MUC5B: variants seen among roughly 807,000 people sequenced by gnomAD.
The protein encoded by MUC5B is mucin 5B, oligomeric mucus/gel-forming.
Under a neutral mutation model 376.9 loss-of-function variants are expected in MUC5B, and 116 were observed. That is an observed-to-expected ratio of 0.31 (90% CI 0.26 to 0.36). The LOEUF is 0.36. Among genes scored for constraint, MUC5B ranks in the 10% least tolerant of loss-of-function variants. The probability of loss-of-function intolerance (pLI) is 1.00; values close to 1 mark genes in which losing one functional copy is unlikely to be tolerated. For synonymous variants in MUC5B, 3,517 were observed against 3,390.9 expected, an observed-to-expected ratio of 1.04 and a Z score of -1.29; for missense variants, 7,165 against 7,769.9, an observed-to-expected ratio of 0.92 and a Z score of 2.93.
In MUC5B at chr11:1,243,468, C is replaced by G; in HGVS notation, c.6588C>G (p.Thr2196=). The G allele has an allele frequency of 6.6e-7, 1 of 1,511,970 alleles. No individual in the cohort carries two copies. Among genetic ancestry groups the G allele is most frequent in the South Asian group, 1.1e-5 (1 of 87,792 alleles). The allele number at this position is 1,511,970 out of a possible 1,614,324, so 93.7% of individuals were successfully genotyped here. ...HTPPVPNTMA[T]THGRSLPPSS... ...CCCCAGTGCCGAACACCATGGCCACCACACACGGGCGATCCCTGCCCCCCA... is the reference window on the plus strand; with the variant it reads ...CCCCAGTGCCGAACACCATGGCCACGACACACGGGCGATCCCTGCCCCCCA... The change falls in exon 31 of 49, where the codon ACC becomes ACG. Residue 2196 remains threonine, a synonymous_variant. Coordinates refer to ENST00000529681, the MANE Select transcript of MUC5B (RefSeq NM_002458.3).
Position 1,229,633 on chromosome 11 carries a change from T to C in MUC5B, c.1103-57T>C, listed in dbSNP as rs953159644. On this transcript the variant is annotated intron_variant, in intron 9 of 48. Transcript: ENST00000529681. ...CAGCTTGTCCCCAAGGCCGGTGTCT[T>C]CTGACCTTGGTGTCCCCCGTGCATG... is the stretch of plus-strand genomic sequence containing the variant. 11 of 1,434,926 alleles carry C rather than the reference T, an allele frequency of 7.7e-6. No individual in the cohort carries two copies. In the African/African-American group the frequency reaches 1.5e-4, roughly 20 times the overall value. 88.9% of individuals were successfully genotyped at this position (1,434,926 alleles called of 1,614,324 possible).
rs774350374 is a variant in MUC5B, at chr11:1,230,922, G to A, written c.1471-14G>A. 25 of 1,578,386 alleles carry A rather than the reference G, an allele frequency of 1.6e-5. No homozygotes were observed. Among genetic ancestry groups the A allele is most frequent in the African/African-American group, 4.1e-5 (3 of 74,006 alleles). ...CCTCCCCAGAGCTGACCTCCCGCCC[G>A]CCTCCTTCCGCAGGCCATCCGGGTC... On this transcript the variant is annotated splice_polypyrimidine_tract_variant and intron_variant, in intron 12 of 48. Coordinates refer to ENST00000529681, the MANE Select transcript of MUC5B (RefSeq NM_002458.3).
At position 1,258,006 on chromosome 11, in the gene MUC5B, T is replaced by C; in HGVS notation, c.16451-93T>C. 1.5e-6 allele frequency: 2 copies of C among 1,307,280 alleles called. No homozygotes were observed. 81.0% of individuals were successfully genotyped at this position (1,307,280 alleles called of 1,614,324 possible). ...CAGGGGCTGTGAAGCGGTCAGGTCCTCGGGGAAAAGCACGCCTGCGACTTA... is the reference window on the plus strand; with the variant it reads ...CAGGGGCTGTGAAGCGGTCAGGTCCCCGGGGAAAAGCACGCCTGCGACTTA... On this transcript the variant is annotated intron_variant, in intron 41 of 48. Transcript: ENST00000529681. This position sits in a 1 kb window ranked among gnomAD's most constrained non-coding sequence, Gnocchi z 5.5.
chr11:1,233,104 C>T lies in MUC5B; in HGVS notation c.2157C>T (p.Asp719=), dbSNP rs777101845. The T allele has an allele frequency of 3.5e-5, 56 of 1,607,928 alleles. No individual in the cohort carries two copies. The highest frequency in any genetic ancestry group is 4.4e-5 in the South Asian group (4 of 90,964). The part of the protein sequence containing the change: ...QPTCRGLSEA[D]VTCSVSFVPV... ...CTTGCCGCGGCCTGAGTGAGGCCGA[C>T]GTCACCTGCAGCGTTTCCTTCGTGC... Residue 719 remains aspartate (D), a synonymous_variant, in exon 18 of 49, where the codon GAC becomes GAT. Coordinates refer to ENST00000529681, the MANE Select transcript of MUC5B (RefSeq NM_002458.3).
Position 1,251,515 on chromosome 11 carries a change from G to A in MUC5B, c.14635G>A (p.Val4879Met), listed in dbSNP as rs967643338. 2 of 1,613,134 alleles carry A rather than the reference G, an allele frequency of 1.2e-6. No individual in the cohort carries two copies. Among genetic ancestry groups the A allele is most frequent in the African/African-American group, 2.7e-5 (2 of 74,920 alleles). ...TCTGGGAACAGCTCACACCCCCAAAGTGGTGACCACCATGGCCACTATGCC... is the reference window on the plus strand; with the variant it reads ...TCTGGGAACAGCTCACACCCCCAAAATGGTGACCACCATGGCCACTATGCC... ...STLGTAHTPKVVTTMATMPTA... is the reference protein window; with the variant it reads ...STLGTAHTPKMVTTMATMPTA... The change falls in exon 31 of 49, where the codon GTG (valine) becomes ATG (methionine). Residue 4879 changes from valine (V) to methionine (M), a missense_variant. Physicochemically the swap from Val to Met is conservative, Grantham distance 21. This residue lies in a region of MUC5B where 730 missense variants were observed against 592.7 expected (regional missense o/e 1.23). Coordinates refer to ENST00000529681, the MANE Select transcript of MUC5B (RefSeq NM_002458.3).
Position 1,234,587 on chromosome 11 carries a change from G to A in MUC5B, c.2537G>A (p.Ser846Asn). 3 of 1,576,624 alleles carry A rather than the reference G, an allele frequency of 1.9e-6. No individual in the cohort carries two copies. Among genetic ancestry groups the A allele is most frequent in the Non-Finnish European group, 2.6e-6 (3 of 1,162,110 alleles). ...CCCCCGGGGCTGGTGTCGGATGGGA[G>A]TGGGGGCTGCATTGCCGAGGAGGAC... ...VCPPGLVSDG[S>N]GGCIAEEDCP... is the part of the protein sequence containing the mutation. Residue 846 changes from serine (S) to asparagine (N), a missense_variant, in exon 21 of 49, where the codon AGT becomes AAT. Physicochemically the swap from Ser to Asn is conservative, Grantham distance 46. This residue lies in a region of MUC5B where 530 missense variants were observed against 604.0 expected (regional missense o/e 0.88). Transcript: ENST00000529681. This position sits in a 1 kb window ranked among gnomAD's most constrained non-coding sequence, Gnocchi z 6.3.
Position 1,250,436 on chromosome 11 carries a change from C to T in MUC5B, c.13556C>T (p.Ala4519Val), listed in dbSNP as rs1045781875. 14 of 1,608,966 alleles carry T rather than the reference C, an allele frequency of 8.7e-6. No individual in the cohort carries two copies. The highest frequency in any genetic ancestry group is 1.2e-5 in the Non-Finnish European group (14 of 1,176,068). Residue 4519 changes from alanine (A) to valine (V), a missense_variant, in exon 31 of 49, where the codon GCT (alanine) becomes GTT (valine). This residue lies in a region of MUC5B where 431 missense variants were observed against 390.4 expected (regional missense o/e 1.10). Transcript: ENST00000529681. ...AGAAGCACAGCCACCACACCCACAG[C>T]TACCAGCTTTACAGCCATCCCCTCC... ...ALRSTATTPT[A>V]TSFTAIPSSS...
Position 1,246,027 on chromosome 11 carries a change from C to G in MUC5B, c.9147C>G (p.Thr3049=). ...CCTCCTCCAGTCCAAGGACTGCAAC[C>G]ACCCTTCCAGTGCTGACAAGCACAG... The part of the protein sequence containing the change: ...ATSSSSPRTA[T]TLPVLTSTAT... The change falls in exon 31 of 49, where the codon ACC becomes ACG. Residue 3049 remains threonine (T), a synonymous_variant. Coordinates refer to ENST00000529681, the MANE Select transcript of MUC5B (RefSeq NM_002458.3). The G allele has an allele frequency of 2.5e-6, 4 of 1,613,042 alleles. No homozygotes were observed. The highest frequency in any genetic ancestry group is 1.7e-6 in the Non-Finnish European group (2 of 1,179,572).
chr11:1,243,306 C>T lies in MUC5B; in HGVS notation c.6426C>T (p.Ala2142=), dbSNP rs1862344389. 6.4e-7 allele frequency: 1 copy of T among 1,557,186 alleles called. No homozygotes were observed. Among genetic ancestry groups the T allele is most frequent in the African/African-American group, 1.4e-5 (1 of 72,798 alleles). ...CCACCACGGCCACTACGATCACGGC[C>T]ACCGGCTCCACCACCAACCCCTCCT... ...SLTTTATTIT[A]TGSTTNPSST... is the part of the protein sequence containing the mutation. The change falls in exon 31 of 49, where the codon GCC becomes GCT. Residue 2142 remains alanine, a synonymous_variant. Coordinates refer to ENST00000529681, the MANE Select transcript of MUC5B (RefSeq NM_002458.3).
Position 1,235,158 on chromosome 11 carries a change from C to A in MUC5B, c.2704C>A (p.His902Asn). The A allele has an allele frequency of 6.2e-7, 1 of 1,613,062 alleles. No individual in the cohort carries two copies. The highest frequency in any genetic ancestry group is 8.5e-7 in the Non-Finnish European group (1 of 1,179,718). ...CACCTGCGTGGCCTACGGGGATGGC[C>A]ACTTCATCACCTTTGATGGCGATCG... ...LGTCVAYGDGHFITFDGDRYS... is the reference protein window; with the variant it reads ...LGTCVAYGDGNFITFDGDRYS... The change falls in exon 22 of 49, where the codon CAC becomes AAC. Residue 902 changes from histidine to asparagine, a missense_variant. This residue lies in a region of MUC5B where 530 missense variants were observed against 604.0 expected (regional missense o/e 0.88). Coordinates refer to ENST00000529681, the MANE Select transcript of MUC5B (RefSeq NM_002458.3).
chr11:1,229,587 G>C, intron 9 of MUC5B, 103 bp from the exon 10 acceptor site: 5 of 1,067,858 alleles, frequency 4.7e-6, no homozygotes, highest in Non-Finnish European at 6.8e-6. Flanking sequence ...TCCTGGAGCA[G>C]GAATTCCTCC....
intron 10 of MUC5B, 44 bp from the exon 11 acceptor site, chr11:1,229,961 C>T (rs924862880): frequency 1.9e-6 from 3 of 1,562,454 alleles, no homozygotes; most frequent in Non-Finnish European, 2.6e-6. Flanking sequence ...GTGGGGCCCA[C>T]CTCCTCCCGA....
At position 1,253,083 on chromosome 11, in the gene MUC5B, C is replaced by T. The variant is rs942421046; in HGVS notation, c.15217+103C>T. 43 of 1,066,666 alleles carry T rather than the reference C, an allele frequency of 4.0e-5. No homozygotes were observed. Among genetic ancestry groups the T allele is most frequent in the Non-Finnish European group, 5.0e-5 (40 of 798,040 alleles). The allele number at this position is 1,066,666 out of a possible 1,614,324, so 66.1% of individuals were successfully genotyped here. The stretch of plus-strand genomic sequence containing the variant: ...GGGCATGGTGGGGCACAGTGGGGTG[C>T]AGTGGGGAATGGTGGGGCATGGTGG... On this transcript the variant is annotated intron_variant, in intron 33 of 48. Coordinates refer to ENST00000529681, the MANE Select transcript of MUC5B (RefSeq NM_002458.3). The surrounding 1 kb of genome is among the most constrained non-coding windows in gnomAD (Gnocchi z 4.3).
At chr11:1,224,474 G>T (rs1296601325) in intron 1 of MUC5B, among the ~76,000 whole-genome samples, 1 of 149,518 alleles carries the variant, frequency 6.7e-6, no homozygotes, top group Non-Finnish European at 1.5e-5. Context: ...GCCTGGGGGG[G>T]AGGGGTTGCC....
At position 1,226,277 on chromosome 11, in the gene MUC5B, G is replaced by C. The variant is rs780122976; in HGVS notation, c.199+1G>C. The C allele has an allele frequency of 6.4e-7, 1 of 1,553,762 alleles. No homozygotes were observed. The highest frequency in any genetic ancestry group is 1.2e-5 in the South Asian group (1 of 84,202). On this transcript the variant is annotated splice_donor_variant, in intron 3 of 48. Coordinates refer to ENST00000529681, the MANE Select transcript of MUC5B (RefSeq NM_002458.3). LOFTEE classifies it high-confidence loss of function. ...GTCACTGTCTTCCCCAGCCTGAGCCGTAAGCAGATGCTGCCCCTGCCAGCC... is the reference window on the plus strand; with the variant it reads ...GTCACTGTCTTCCCCAGCCTGAGCCCTAAGCAGATGCTGCCCCTGCCAGCC...
rs1432032662 is a variant in MUC5B at position 1,251,430 on chromosome 11, G to A, written c.14550G>A (p.Glu4850=). Residue 4850 remains glutamate (E), a synonymous_variant, in exon 31 of 49, where the codon GAG becomes GAA. Transcript: ENST00000529681. ...CAGGGACCACCTGGATCCTCACAGA[G>A]CCGAGCACTATAGCCACCGTGATGG... The part of the protein sequence containing the change: ...STPGTTWILT[E]PSTIATVMVP... The A allele has an allele frequency of 6.2e-7, 1 of 1,612,572 alleles. No individual in the cohort carries two copies. The highest frequency in any genetic ancestry group is 1.1e-5 in the South Asian group (1 of 91,032).
At chr11:1,226,124 CGA>C in intron 2 of MUC5B, 79 bp from the exon 3 acceptor site, 1 of 1,385,364 alleles carries the variant, frequency 7.2e-7, no homozygotes, top group Non-Finnish European at 9.8e-7. Context: ...TGGTGGCTGG[CGA>C]GGAGGGTGGG....
chr11:1,249,337 G>A lies in MUC5B; in HGVS notation c.12457G>A (p.Asp4153Asn). ...GCCGGGGCCCTCTGGCGGGGACTTT[G>A]ACACCTACTCCAACATCCGTGCGGC... ...PMPGPSGGDF[D>N]TYSNIRAAGG... Residue 4153 changes from aspartate (D) to asparagine (N), a missense_variant, in exon 31 of 49, where the codon GAC becomes AAC. By Grantham distance (23) the Asp-to-Asn change is conservative. Coordinates refer to ENST00000529681, the MANE Select transcript of MUC5B (RefSeq NM_002458.3). 6.2e-7 allele frequency: 1 copy of A among 1,610,742 alleles called. No individual in the cohort carries two copies. The highest frequency in any genetic ancestry group is 2.2e-5 in the East Asian group (1 of 44,874).
intron 34 of MUC5B, 134 bp from the exon 35 acceptor site, chr11:1,254,560 G>A: frequency 4.1e-6 from 5 of 1,217,170 alleles, no homozygotes; most frequent in Non-Finnish European, 4.5e-6. Flanking sequence ...GGCCCCCAGG[G>A]AAGATCTGGG....
Sources: gnomAD v4.1 joint callset for allele counts (sites outside exome capture counted in the v4.1 genomes callset) on GRCh38, gnomAD v4.1.1 for gene constraint, gnomAD v4.1.1 regional missense constraint, Gnocchi (gnomAD v3.1) non-coding constraint, MANE v1.5 for transcripts, NCBI Gene and HGNC (gene_info 2026-07-23, HGNC 2026-07-21) for gene names.